CDC45: variants seen among roughly 807,000 people sequenced by gnomAD.
The protein encoded by CDC45 is cell division cycle 45, also known as cell division control protein 45 homolog.
In CDC45, 54 loss-of-function variants were observed where a neutral mutation model predicts 77.8. The ratio of observed to expected loss-of-function variants is 0.69; its 90% CI spans 0.56 to 0.87. The LOEUF is 0.87. CDC45 is among the 40% of genes least tolerant of loss of function. CDC45 has a pLI of 0.00. For missense variants in CDC45, 649 were observed against 721.6 expected (o/e 0.90, Z 1.15); for synonymous variants, 260 against 272.1 (o/e 0.96, Z 0.44).
At chr22:19,510,736 T>C (rs1933467312) in intron 13 of CDC45, among the ~76,000 whole-genome samples, 3 of 152,066 alleles carry the variant, frequency 2.0e-5, no homozygotes, top group Non-Finnish European at 4.4e-5. Context: ...ACCGTGTTGT[T>C]CAGGCTGGTC....
intron 13 of CDC45, among the ~76,000 whole-genome samples, chr22:19,514,524 C>T (rs1357010520): frequency 6.6e-6 from 1 of 152,164 alleles, no homozygotes; most frequent in Non-Finnish European, 1.5e-5. Context: ...TTCCTGTCTT[C>T]TGATACTTGC....
intron 7 of CDC45, 91 bp downstream of exon 7, chr22:19,496,120 A>G: frequency 2.2e-6 from 2 of 914,140 alleles, no homozygotes. Flanking sequence ...TTTTAGAGCC[A>G]CAAAAGCCTG....
Position 19,508,546 on chromosome 22 carries a change from G to C in CDC45, c.1072G>C (p.Val358Leu), listed in dbSNP as rs572933667. 6.2e-7 allele frequency: 1 copy of C among 1,614,086 alleles called. No individual in the cohort carries two copies. The highest frequency in any genetic ancestry group is 8.5e-7 in the Non-Finnish European group (1 of 1,180,036). ...ANKFGMKDMR[V>L]QTFSIHFGFK... ...CCATGACAGGATGAAGGACATGCGC[G>C]TGCAGACTTTCAGCATTCATTTTGG... The change falls in exon 13 of 19, where the codon GTG (valine) becomes CTG (leucine). Residue 358 changes from valine (V) to leucine (L), a missense_variant. Physicochemically the swap from Val to Leu is conservative, Grantham distance 32 (BLOSUM62 1). Coordinates refer to ENST00000263201, the MANE Select transcript of CDC45 (RefSeq NM_003504.5).
chr22:19,480,080 C>G (rs1306264976), intron 1 of CDC45, 61 bp downstream of exon 1: 2 of 1,611,358 alleles, frequency 1.2e-6, no homozygotes, highest in East Asian at 2.2e-5. Flanking sequence ...TGAGGGGGAG[C>G]GACCGTGGGT....
rs777304758 is a variant in CDC45 at position 19,479,938 on chromosome 22, C to A, written c.-31C>A. Reference sequence around the variant, plus strand: ...CGCCGCCGGGCTCTTGGTACCTCAGCGCGAGCGCCAGGCGTCCGGCCGCCG... The same window carrying A: ...CGCCGCCGGGCTCTTGGTACCTCAGAGCGAGCGCCAGGCGTCCGGCCGCCG... On this transcript the variant is annotated 5_prime_UTR_variant, in exon 1 of 19. Transcript: ENST00000263201. The A allele has an allele frequency of 5.0e-6, 8 of 1,611,912 alleles. No individual in the cohort carries two copies. In the East Asian group the frequency reaches 1.1e-4, roughly 22 times the overall value.
At chr22:19,500,467 A>G (rs1242898423) in intron 9 of CDC45, among the ~76,000 whole-genome samples, 4 of 152,162 alleles carry the variant, frequency 2.6e-5, no homozygotes, top group Non-Finnish European at 4.4e-5. Flanking sequence ...CGAAACATGT[A>G]GACCCTGTCA....
At position 19,480,125 on chromosome 22, in the gene CDC45, G is replaced by A. The variant is rs1268780743; in HGVS notation, c.52-33G>A. On this transcript the variant is annotated intron_variant, in intron 1 of 18. Transcript: ENST00000263201. ...GCAGGGGAGGGCCGGGGTTCGGGTC[G>A]CCGTGTTCAGCCGGTCTGCTCTTCC... 4 of 1,613,542 alleles carry A rather than the reference G, an allele frequency of 2.5e-6. No individual in the cohort carries two copies. In the East Asian group the frequency reaches 8.9e-5, roughly 36 times the overall value.
At chr22:19,504,139 G>A (rs2146400240) in intron 9 of CDC45, among the ~76,000 whole-genome samples, 1 of 152,334 alleles carries the variant, frequency 6.6e-6, no homozygotes, top group East Asian at 1.9e-4. Context: ...GGACCAGCAG[G>A]TTTGTATGCC....
At chr22:19,483,734 G>T (rs2090021179) in intron 4 of CDC45, 128 bp from the exon 5 acceptor site, 2 of 868,974 alleles carry the variant, frequency 2.3e-6, no homozygotes, top group East Asian at 2.7e-5. Context: ...TTGTTAAATA[G>T]GTAGCTATTT....
chr22:19,488,017 C>A (rs2090099341), intron 5 of CDC45, among the ~76,000 whole-genome samples: 1 of 151,940 alleles, frequency 6.6e-6, no homozygotes, highest in Non-Finnish European at 1.5e-5. Flanking sequence ...AGAGCTGGAC[C>A]CCAGCAAAGA....
At chr22:19,494,089 C>G (rs1053205368) in intron 5 of CDC45, among the ~76,000 whole-genome samples, 1 of 152,066 alleles carries the variant, frequency 6.6e-6, no homozygotes, top group South Asian at 2.1e-4. Flanking sequence ...CTTGGGAAGC[C>G]CCTACTCTTT....
intron 5 of CDC45, among the ~76,000 whole-genome samples, chr22:19,487,927 AAAAAAG>A (rs2090097411): frequency 6.6e-6 from 1 of 151,748 alleles, no homozygotes; most frequent in Non-Finnish European, 1.5e-5. Flanking sequence ...AAAAAAAAAA[AAAAAAG>A]AGTTCTGCTG....
chr22:19,491,141 T>A (rs766153908), intron 5 of CDC45, among the ~76,000 whole-genome samples: 2 of 152,200 alleles, frequency 1.3e-5, no homozygotes, highest in Non-Finnish European at 2.9e-5. Context: ...CTTCTCTTAA[T>A]GTCTTTTACT....
In CDC45 at chr22:19,483,570, C is replaced by T. The variant is rs1016376458; in HGVS notation, c.343-292C>T. 2.6e-5 allele frequency among the ~76,000 whole-genome samples: 4 copies of T among 152,276 alleles called. No individual in the cohort carries two copies. In the East Asian group the frequency reaches 5.8e-4, roughly 22 times the overall value. Reference sequence around the variant, plus strand: ...GGGCGTTCATTTTATTGGTGTATGACGTAAGAGGATGCTGTGTTTCCAGAC... The same window carrying T: ...GGGCGTTCATTTTATTGGTGTATGATGTAAGAGGATGCTGTGTTTCCAGAC... On this transcript the variant is annotated intron_variant, in intron 4 of 18. Transcript: ENST00000263201.
At chr22:19,507,610 T>C (rs1601971959) in intron 11 of CDC45, 93 bp downstream of exon 11, 2 of 1,525,776 alleles carry the variant, frequency 1.3e-6, no homozygotes, top group East Asian at 4.5e-5. Context: ...AGTTATAAAA[T>C]GCAGCCTGTT....
chr22:19,501,174 C>T (rs923431305), intron 9 of CDC45, among the ~76,000 whole-genome samples: 1 of 151,574 alleles, frequency 6.6e-6, no homozygotes, highest in African/African-American at 2.4e-5. Flanking sequence ...AACAAGACTC[C>T]GTCTCAAAAA....
At chr22:19,502,613 C>A (rs1321063378) in intron 9 of CDC45, among the ~76,000 whole-genome samples, 1 of 152,186 alleles carries the variant, frequency 6.6e-6, no homozygotes, top group Non-Finnish European at 1.5e-5. Flanking sequence ...TTATTTCTGA[C>A]AAAATTGGAA....
chr22:19,516,986 G>A, intron 17 of CDC45, 93 bp downstream of exon 17: 1 of 1,075,232 alleles, frequency 9.3e-7, no homozygotes, highest in Non-Finnish European at 1.4e-6. Context: ...ATGGCTGGAG[G>A]AGCCTGGCCA....
intron 10 of CDC45, among the ~76,000 whole-genome samples, chr22:19,505,830 G>C (rs1377945876): frequency 6.6e-6 from 1 of 152,206 alleles, no homozygotes; most frequent in Non-Finnish European, 1.5e-5. Flanking sequence ...CTTTTGAGAA[G>C]CACATGGGAC....
Sources: gnomAD v4.1 joint callset for allele counts (sites outside exome capture counted in the v4.1 genomes callset) on GRCh38, gnomAD v4.1.1 for gene constraint, MANE v1.5 for transcripts, NCBI Gene and HGNC (gene_info 2026-07-23, HGNC 2026-07-21) for gene names.